CDH13: variants seen among roughly 807,000 people sequenced by gnomAD.
CDH13 encodes the protein cadherin 13, also known as cadherin-13.
CDH13 carries 24 observed loss-of-function variants against 63.8 expected under a neutral mutation model. The ratio of observed to expected loss-of-function variants is 0.38; its 90% CI spans 0.27 to 0.53. The LOEUF is 0.53. Among genes scored for constraint, CDH13 ranks in the 20% least tolerant of loss-of-function variants. The probability of loss-of-function intolerance (pLI) is 0.85; values close to 1 mark genes in which losing one functional copy is unlikely to be tolerated. For missense variants in CDH13, 1,049 were observed against 903.1 expected (o/e 1.16, Z -2.07); for synonymous variants, 503 against 355.3 (o/e 1.42, Z -4.67).
At position 83,690,728 on chromosome 16, in the gene CDH13, G is replaced by GT. The variant is rs377028647; in HGVS notation, c.1538+12272dup. ...TGCAGACACTGAATTTGTTGTTGTT[G>GT]TTTTTATTTTTGAGACAGAGTCTGG... On this transcript the variant is annotated intron_variant, in intron 10 of 13. Transcript: ENST00000567109. Among the ~76,000 whole-genome samples the GT allele has an allele frequency of 6.2e-4, 95 of 152,094 alleles. 2 individuals carry two copies. Among genetic ancestry groups the GT allele is most frequent in the Middle Eastern group, 6.8e-3 (2 of 294 alleles).
In CDH13 at chr16:83,491,488, C is replaced by G. The variant is rs56399923; in HGVS notation, c.960+4833C>G. Among the ~76,000 whole-genome samples the G allele has an allele frequency of 6.3e-3, 957 of 151,708 alleles. 7 individuals are homozygous for G. The highest frequency in any genetic ancestry group is 0.022 in the African/African-American group (893 of 41,388). ...TTAGTTGATCATCTTGGCTGCTAGACTGAAATTCATCTGCTGGAATCTGCC... is the reference window on the plus strand; with the variant it reads ...TTAGTTGATCATCTTGGCTGCTAGAGTGAAATTCATCTGCTGGAATCTGCC... On this transcript the variant is annotated intron_variant, in intron 7 of 13. Transcript: ENST00000567109.
intron 4 of CDH13, among the ~76,000 whole-genome samples, chr16:83,192,799 A>T: frequency 6.6e-6 from 1 of 152,158 alleles, no homozygotes; most frequent in Non-Finnish European, 1.5e-5. Flanking sequence ...CTGTTGCCCA[A>T]CAACTGCCCC....
At chr16:83,523,999 A>G (rs1229331436) in intron 7 of CDH13, among the ~76,000 whole-genome samples, 2 of 152,146 alleles carry the variant, frequency 1.3e-5, no homozygotes. Flanking sequence ...CTCAACCAAG[A>G]TTCTTAGATC....
At chr16:83,421,860 T>A (rs2071726055) in intron 6 of CDH13, among the ~76,000 whole-genome samples, 1 of 152,224 alleles carries the variant, frequency 6.6e-6, no homozygotes, top group African/African-American at 2.4e-5. Context: ...TTGAATAAGC[T>A]GATAAAATAG....
intron 10 of CDH13, among the ~76,000 whole-genome samples, chr16:83,707,997 A>G (rs1567535497): frequency 6.6e-6 from 1 of 152,164 alleles, no homozygotes; most frequent in Admixed American, 6.5e-5. Flanking sequence ...AGCTGCCACC[A>G]TGACCATTAT....
chr16:83,773,521 AACTC>A (rs1468114088), intron 11 of CDH13, among the ~76,000 whole-genome samples: 6 of 152,048 alleles, frequency 3.9e-5, no homozygotes, highest in Non-Finnish European at 5.9e-5. Flanking sequence ...ATCTCATGAG[AACTC>A]ACTCACTATC....
At chr16:82,778,570 G>GAAAAAAAAAAAAAAAAAA in intron 1 of CDH13, among the ~76,000 whole-genome samples, 1 of 85,786 alleles carries the variant, frequency 1.2e-5, no homozygotes, top group Non-Finnish European at 2.1e-5. Context: ...ATCACGACCA[G>GAAAAAAAAAAAAAAAAAA]AAAAAAAAAA....
chr16:83,107,338 G>T (rs2034820344), intron 3 of CDH13, among the ~76,000 whole-genome samples: 1 of 152,106 alleles, frequency 6.6e-6, no homozygotes, highest in South Asian at 2.1e-4. Flanking sequence ...GGTGGTGGTG[G>T]TGGTGGTGAT....
intron 8 of CDH13, among the ~76,000 whole-genome samples, chr16:83,617,167 C>T (rs181112712): frequency 6.6e-6 from 1 of 152,300 alleles, no homozygotes; most frequent in East Asian, 1.9e-4. Context: ...TCCTTTTCAT[C>T]TCCGCCTCTA....
chr16:82,839,490 A>G (rs931801930), intron 1 of CDH13, among the ~76,000 whole-genome samples: 1 of 152,052 alleles, frequency 6.6e-6, no homozygotes, highest in Non-Finnish European at 1.5e-5. Context: ...TAAAACCGAA[A>G]CCTAGACAGT....
At chr16:83,771,195 G>A (rs1914737897) in intron 11 of CDH13, among the ~76,000 whole-genome samples, 1 of 152,020 alleles carries the variant, frequency 6.6e-6, no homozygotes, top group South Asian at 2.1e-4. Context: ...ATATTACCCT[G>A]CTTCTCTTAG....
At chr16:83,405,175 C>G (rs1043190138) in intron 6 of CDH13, among the ~76,000 whole-genome samples, 1 of 151,848 alleles carries the variant, frequency 6.6e-6, no homozygotes, top group Non-Finnish European at 1.5e-5. Context: ...TGCATTCTTT[C>G]AGGAAAAAAG....
At chr16:83,549,643 A>C (rs983320110) in intron 7 of CDH13, among the ~76,000 whole-genome samples, 1 of 65,056 alleles carries the variant, frequency 1.5e-5, no homozygotes, top group African/African-American at 6.5e-5. Flanking sequence ...CTCTACGCTC[A>C]AAAAAAAAAA....
At position 83,029,661 on chromosome 16, in the gene CDH13, C is replaced by T. The variant is rs142130651; in HGVS notation, c.158-2349C>T. On this transcript the variant is annotated intron_variant, in intron 2 of 13. Coordinates refer to ENST00000567109, the MANE Select transcript of CDH13 (RefSeq NM_001257.5). ...GACCACATTAGATGCCATGCAAATG[C>T]AGGTAAAACCAATCTGTGGTATTAG... is the stretch of plus-strand genomic sequence containing the variant. 7.2e-4 allele frequency among the ~76,000 whole-genome samples: 110 copies of T among 152,194 alleles called. 1 individual carries two copies. Among genetic ancestry groups the T allele is most frequent in the Non-Finnish European group, 7.4e-4 (50 of 68,008 alleles).
At chr16:83,014,772 A>T (rs1036922642) in intron 2 of CDH13, among the ~76,000 whole-genome samples, 1 of 69,578 alleles carries the variant, frequency 1.4e-5, no homozygotes, top group Non-Finnish European at 2.5e-5. Flanking sequence ...ATATATATAT[A>T]TATGTATATA....
At chr16:83,629,610 G>A (rs940463771) in intron 8 of CDH13, among the ~76,000 whole-genome samples, 5 of 152,110 alleles carry the variant, frequency 3.3e-5, no homozygotes, top group African/African-American at 4.8e-5. Flanking sequence ...TGAAATCCAC[G>A]TTGGTTTCCC....
intron 7 of CDH13, among the ~76,000 whole-genome samples, chr16:83,599,320 A>G (rs1567795722): frequency 2.0e-5 from 3 of 152,228 alleles, no homozygotes; most frequent in Non-Finnish European, 2.9e-5. Context: ...TCACCGCGCA[A>G]TGTCAGGAGC....
At chr16:83,433,592 T>G (rs774924852) in intron 6 of CDH13, among the ~76,000 whole-genome samples, 2 of 152,208 alleles carry the variant, frequency 1.3e-5, no homozygotes, top group Non-Finnish European at 2.9e-5. Flanking sequence ...AGCTTGGGGA[T>G]GAGGGTGGTT....
At chr16:82,940,078 G>A (rs2042785645) in intron 2 of CDH13, among the ~76,000 whole-genome samples, 1 of 152,152 alleles carries the variant, frequency 6.6e-6, no homozygotes, top group Non-Finnish European at 1.5e-5. Context: ...CATGAGAACA[G>A]TATGGGGGAA....
Sources: gnomAD v4.1 joint callset for allele counts (sites outside exome capture counted in the v4.1 genomes callset) on GRCh38, gnomAD v4.1.1 for gene constraint, MANE v1.5 for transcripts, NCBI Gene and HGNC (gene_info 2026-07-23, HGNC 2026-07-21) for gene names.